LRCH3: variants seen among roughly 807,000 people sequenced by gnomAD.
LRCH3 encodes DISP complex protein LRCH3.
Under a neutral mutation model 104.5 loss-of-function variants are expected in LRCH3, and 68 were observed. The ratio of observed to expected loss-of-function variants is 0.65; its 90% CI spans 0.54 to 0.80. The LOEUF (loss-of-function observed/expected upper bound fraction) is 0.80. Among genes scored for constraint, LRCH3 ranks in the 30% least tolerant of loss-of-function variants. The probability of loss-of-function intolerance (pLI) is 0.00; values close to 1 mark genes in which losing one functional copy is unlikely to be tolerated. For synonymous variants in LRCH3, 344 were observed against 361.3 expected, an observed-to-expected ratio of 0.95 and a Z score of 0.54; for missense variants, 951 against 953.9, an observed-to-expected ratio of 1.00 and a Z score of 0.04.
At position 197,866,825 on chromosome 3, in the gene LRCH3, AAAAC is replaced by A. The variant is rs144787772; in HGVS notation, c.1873+630_1873+633del. The stretch of plus-strand genomic sequence containing the variant: ...CCAACAGAGCAAGACTCTGTCTCTT[AAAAC>A]AAACAAACAAACAAACAAACAAAAA... On this transcript the variant is annotated intron_variant, in intron 17 of 20. Coordinates refer to ENST00000425562, the MANE Select transcript of LRCH3 (RefSeq NM_001365715.1). Among the ~76,000 whole-genome samples, 222 of 151,944 alleles carry A rather than the reference AAAAC, an allele frequency of 1.5e-3. 1 individual carries two copies. In the South Asian group the frequency reaches 0.017, roughly 12 times the overall value.
rs1454030266 is a variant in LRCH3, at chr3:197,883,577, A to G, written c.2245A>G (p.Lys749Glu). ...LCLPLHILEE[K>E]GLSQVAVTVQ... The stretch of plus-strand genomic sequence containing the variant: ...TTTGCCTCTCCACATTTTAGAAGAG[A>G]AAGGTTTGAGCCAGGTTGCAGTGAC... The change falls in exon 21 of 21, where the codon AAA becomes GAA. Residue 749 changes from lysine (K) to glutamate (E), a missense_variant. By Grantham distance (56) the Lys-to-Glu change is moderately conservative. Transcript: ENST00000425562. This position sits in a 1 kb window ranked among gnomAD's most constrained non-coding sequence, Gnocchi z 4.2. 12 of 1,536,048 alleles carry G rather than the reference A, an allele frequency of 7.8e-6. No individual in the cohort carries two copies. Among genetic ancestry groups the G allele is most frequent in the Non-Finnish European group, 1.0e-5 (12 of 1,146,876 alleles).
intron 1 of LRCH3, among the ~76,000 whole-genome samples, chr3:197,814,244 G>A (rs1733557352): frequency 1.3e-5 from 2 of 152,184 alleles, no homozygotes; most frequent in African/African-American, 4.8e-5. Context: ...AGAAAATGAG[G>A]CAGGAACAAA....
At chr3:197,836,690 T>G (rs1245316702) in intron 9 of LRCH3, among the ~76,000 whole-genome samples, 2 of 152,266 alleles carry the variant, frequency 1.3e-5, no homozygotes, top group Non-Finnish European at 2.9e-5. Flanking sequence ...TATCATTCTT[T>G]ATTTAATGAA....
intron 8 of LRCH3, among the ~76,000 whole-genome samples, chr3:197,833,447 A>C (rs367976047): frequency 1.1e-4 from 16 of 148,308 alleles, no homozygotes; most frequent in African/African-American, 3.7e-4. Context: ...CTGAGGCAGG[A>C]GAATCACTTG....
intron 20 of LRCH3, chr3:197,881,723 C>G: frequency 1.0e-6 from 1 of 985,356 alleles, no homozygotes; most frequent in Non-Finnish European, 1.2e-6. Context: ...TCTGAATATT[C>G]AGGAACCTTC....
At chr3:197,841,140 GT>G (rs1737745971) in intron 10 of LRCH3, among the ~76,000 whole-genome samples, 1 of 152,210 alleles carries the variant, frequency 6.6e-6, no homozygotes, top group Non-Finnish European at 1.5e-5. Flanking sequence ...GCCCCGCTGG[GT>G]TCTCTACTTA....
chr3:197,817,289 A>C lies in LRCH3; in HGVS notation c.521A>C (p.His174Pro), dbSNP rs746335994. 1 of 1,533,790 alleles carries C rather than the reference A, an allele frequency of 6.5e-7. No individual in the cohort carries two copies. Among genetic ancestry groups the C allele is most frequent in the African/African-American group, 1.4e-5 (1 of 70,214 alleles). The change falls in exon 3 of 21, where the codon CAT becomes CCT. Residue 174 changes from histidine (H) to proline (P), a missense_variant. His to Pro is a moderately conservative substitution (Grantham distance 77). Transcript: ENST00000425562. ...SLPEEIGHLRHLMELDVSCNE... is the reference protein window; with the variant it reads ...SLPEEIGHLRPLMELDVSCNE... Reference sequence around the variant, plus strand: ...CCAGAAGAAATTGGACACCTTAGACATTTGATGGAACTTGTAAGTTAATAT... The same window carrying C: ...CCAGAAGAAATTGGACACCTTAGACCTTTGATGGAACTTGTAAGTTAATAT...
At chr3:197,871,980 G>T (rs1344273344) in intron 19 of LRCH3, among the ~76,000 whole-genome samples, 1 of 152,208 alleles carries the variant, frequency 6.6e-6, no homozygotes, top group Non-Finnish European at 1.5e-5. Flanking sequence ...CTTATGAACC[G>T]TGTGAAGGAC....
intron 1 of LRCH3, among the ~76,000 whole-genome samples, chr3:197,795,161 A>T (rs1580511954): frequency 6.6e-6 from 1 of 152,122 alleles, no homozygotes; most frequent in South Asian, 2.1e-4. Context: ...AAGCAGAAAC[A>T]AGAAGGAAAG....
intron 13 of LRCH3, 74 bp downstream of exon 13, chr3:197,852,694 G>A (rs1739772628): frequency 1.4e-6 from 2 of 1,462,328 alleles, no homozygotes; most frequent in Admixed American, 3.4e-5. Context: ...ACATGTAATT[G>A]TCATGTTTTC....
intron 8 of LRCH3, among the ~76,000 whole-genome samples, chr3:197,834,140 A>G (rs6768170): frequency 0.83 from 125,682 of 152,162 alleles, 52,090 homozygotes; most frequent in East Asian, 1. Context: ...ATGAAGTAAC[A>G]GGTTGTGGTT....
intron 9 of LRCH3, among the ~76,000 whole-genome samples, chr3:197,838,197 A>G (rs1202461243): frequency 2.0e-5 from 3 of 152,246 alleles, no homozygotes; most frequent in Non-Finnish European, 4.4e-5. Flanking sequence ...AAGTAGGAAG[A>G]CTGCTTGAGC....
chr3:197,868,948 G>A (rs1248564208), intron 17 of LRCH3, among the ~76,000 whole-genome samples: 1 of 152,144 alleles, frequency 6.6e-6, no homozygotes, highest in Admixed American at 6.5e-5. Context: ...CTTACGATTT[G>A]TGTATTTTTC....
At chr3:197,798,643 G>A (rs1731537631) in intron 1 of LRCH3, among the ~76,000 whole-genome samples, 1 of 152,220 alleles carries the variant, frequency 6.6e-6, no homozygotes. Context: ...CAAGGAGGCA[G>A]TCTGTAACTC....
intron 1 of LRCH3, among the ~76,000 whole-genome samples, chr3:197,801,436 A>T (rs931033486): frequency 6.6e-6 from 1 of 152,180 alleles, no homozygotes; most frequent in Non-Finnish European, 1.5e-5. Context: ...TTATACTTTT[A>T]AAAAATTGAA....
rs762413541 is a variant in LRCH3, at chr3:197,829,670, C to G, written c.884C>G (p.Ser295Cys). 2 of 1,601,116 alleles carry G rather than the reference C, an allele frequency of 1.2e-6. No homozygotes were observed. The highest frequency in any genetic ancestry group is 1.7e-6 in the Non-Finnish European group (2 of 1,170,706). Reference protein sequence around the residue: ...DYDRRPLGFGSCHEELYSSRP... With the variant: ...DYDRRPLGFGCCHEELYSSRP... ...GATAGGAGACCGTTGGGTTTTGGCT[C>G]CTGGTAAGTATATTCTGTCCCTTTA... Residue 295 changes from serine to cysteine, a missense_variant, in exon 6 of 21, where the codon TCC becomes TGC. Coordinates refer to ENST00000425562, the MANE Select transcript of LRCH3 (RefSeq NM_001365715.1).
intron 18 of LRCH3, 116 bp downstream of exon 18, chr3:197,870,394 C>G: frequency 3.0e-6 from 3 of 992,864 alleles, no homozygotes; most frequent in Non-Finnish European, 4.3e-6. Flanking sequence ...TAGACGGAGT[C>G]TCACTCTGTC....
intron 15 of LRCH3, among the ~76,000 whole-genome samples, chr3:197,861,738 T>G (rs1740907888): frequency 6.6e-6 from 1 of 152,166 alleles, no homozygotes; most frequent in African/African-American, 2.4e-5. Context: ...GGGTTTTTTT[T>G]TCTTTCCATT....
chr3:197,815,041 C>G lies in LRCH3; in HGVS notation c.396C>G (p.Phe132Leu), dbSNP rs1215233004. 1 of 1,488,298 alleles carries G rather than the reference C, an allele frequency of 6.7e-7. No homozygotes were observed. Among genetic ancestry groups the G allele is most frequent in the Non-Finnish European group, 9.1e-7 (1 of 1,094,818 alleles). The allele number at this position is 1,488,298 out of a possible 1,614,324, so 92.2% of individuals were successfully genotyped here. Residue 132 changes from phenylalanine (F) to leucine (L), a missense_variant, in exon 2 of 21, where the codon TTC (phenylalanine) becomes TTG (leucine). Physicochemically the swap from Phe to Leu is conservative, Grantham distance 22. Coordinates refer to ENST00000425562, the MANE Select transcript of LRCH3 (RefSeq NM_001365715.1). Reference sequence around the variant, plus strand: ...TTTTAAACCTACAAGCTCTAACATTCTTAAATATTAGGTAAGAATATTGTT... The same window carrying G: ...TTTTAAACCTACAAGCTCTAACATTGTTAAATATTAGGTAAGAATATTGTT... ...EAILNLQALT[F>L]LNISRNQLST...
Sources: allele counts gnomAD v4.1 joint callset (sites outside exome capture counted in the v4.1 genomes callset), GRCh38; gene constraint gnomAD v4.1.1; non-coding constraint Gnocchi (gnomAD v3.1); transcripts MANE v1.5; gene names NCBI Gene and HGNC (gene_info 2026-07-23, HGNC 2026-07-21).